GREB1L: variants seen among roughly 807,000 people sequenced by gnomAD.
GREB1L encodes GREB1 like retinoic acid receptor coactivator.
Under a neutral mutation model 200.8 loss-of-function variants are expected in GREB1L, and 17 were observed. The ratio of observed to expected loss-of-function variants is 0.08; its 90% CI spans 0.06 to 0.13. The LOEUF (loss-of-function observed/expected upper bound fraction) is 0.13. GREB1L is among the 10% of genes least tolerant of loss of function. The pLI, the probability that GREB1L is intolerant of heterozygous loss-of-function variation, is 1.00. For missense variants in GREB1L, 1,657 were observed against 2,367.7 expected (o/e 0.70, Z 6.23); for synonymous variants, 789 against 893.0 (o/e 0.88, Z 2.08).
chr18:21,374,345 C>T (rs979965303), intron 2 of GREB1L, among the ~76,000 whole-genome samples: 2 of 152,028 alleles, frequency 1.3e-5, no homozygotes, highest in Non-Finnish European at 2.9e-5. Flanking sequence ...TTCAGATGTT[C>T]GAGGCTCATC....
At chr18:21,273,882 T>C (rs1228736054) in intron 1 of GREB1L, among the ~76,000 whole-genome samples, 3 of 152,220 alleles carry the variant, frequency 2.0e-5, no homozygotes, top group African/African-American at 7.2e-5. Context: ...GGATCTTTAC[T>C]TTAATGCATT....
chr18:21,447,699 G>A (rs1367375820), intron 11 of GREB1L, among the ~76,000 whole-genome samples: 2 of 152,144 alleles, frequency 1.3e-5, no homozygotes, highest in Non-Finnish European at 2.9e-5. Flanking sequence ...GGAAGAAAGC[G>A]TTAAATAAAT....
intron 11 of GREB1L, among the ~76,000 whole-genome samples, chr18:21,447,835 A>T (rs2034305844): frequency 6.6e-6 from 1 of 151,972 alleles, no homozygotes; most frequent in Non-Finnish European, 1.5e-5. Flanking sequence ...ATTTTTTTTT[A>T]AAGAGCATCC....
rs2037656671 is a variant in GREB1L, at chr18:21,524,760, G to A, written c.*1939G>A. On this transcript the variant is annotated 3_prime_UTR_variant, in exon 33 of 33. Transcript: ENST00000424526. ...AGATGCAGGTACTCCATTAGTTAGG[G>A]CTGCACTCTGAAAATTCAAATTATT... 6.6e-6 allele frequency: 1 copy of A among 151,814 alleles called. No homozygotes were observed. Among genetic ancestry groups the A allele is most frequent in the Non-Finnish European group, 1.5e-5 (1 of 67,978 alleles). The allele number at this position is 151,814 out of a possible 1,614,324, so 9.4% of individuals were successfully genotyped here. A position where few individuals can be genotyped will look rare whatever the true frequency, so the allele number is the denominator to read the frequency against.
At chr18:21,346,935 C>A (rs1164820540) in intron 1 of GREB1L, among the ~76,000 whole-genome samples, 1 of 152,178 alleles carries the variant, frequency 6.6e-6, no homozygotes, top group Non-Finnish European at 1.5e-5. Flanking sequence ...TTTCTTCCTG[C>A]CATTGTACCT....
At chr18:21,400,616 T>C (rs1352894505) in intron 5 of GREB1L, among the ~76,000 whole-genome samples, 1 of 152,122 alleles carries the variant, frequency 6.6e-6, no homozygotes, top group Non-Finnish European at 1.5e-5. Flanking sequence ...AAATCCAGGG[T>C]CCAGTACCAC....
chr18:21,450,189 G>A (rs1311205155), intron 12 of GREB1L, among the ~76,000 whole-genome samples: 6 of 152,032 alleles, frequency 3.9e-5, no homozygotes, highest in Non-Finnish European at 7.4e-5. Flanking sequence ...CCAGTTAATC[G>A]AATTTGCCAG....
At chr18:21,287,157 T>G (rs2038370950) in intron 1 of GREB1L, among the ~76,000 whole-genome samples, 1 of 152,134 alleles carries the variant, frequency 6.6e-6, no homozygotes, top group Admixed American at 6.5e-5. Flanking sequence ...TTTTTTTGCC[T>G]GAGTTTTTTG....
In GREB1L at chr18:21,452,095, A is replaced by T; in HGVS notation, c.1862A>T (p.Asp621Val). 6.5e-7 allele frequency: 1 copy of T among 1,546,752 alleles called. No individual in the cohort carries two copies. The highest frequency in any genetic ancestry group is 8.7e-7 in the Non-Finnish European group (1 of 1,146,828). ...TATTTTGTAATAGGCGATGACCTAG[A>T]CAAGCTGCTGGAAAAAATGCAACAA... ...FKTTSLGDDL[D>V]KLLEKMQQRR... Residue 621 changes from aspartate (D) to valine (V), a missense_variant, in exon 14 of 33, where the codon GAC (aspartate) becomes GTC (valine). Physicochemically the swap from Asp to Val is radical, Grantham distance 152. This residue lies in a region of GREB1L where 239 missense variants were observed against 421.8 expected (regional missense o/e 0.57). Transcript: ENST00000424526.
At chr18:21,320,355 T>G (rs1269553941) in intron 1 of GREB1L, among the ~76,000 whole-genome samples, 2 of 152,130 alleles carry the variant, frequency 1.3e-5, no homozygotes, top group Non-Finnish European at 2.9e-5. Context: ...TATAAAATAT[T>G]GTAATTACTG....
At chr18:21,373,876 T>G (rs2039972498) in intron 2 of GREB1L, among the ~76,000 whole-genome samples, 1 of 152,234 alleles carries the variant, frequency 6.6e-6, no homozygotes, top group African/African-American at 2.4e-5. Flanking sequence ...AAAATTAATT[T>G]GTGAATTTTT....
chr18:21,387,396 T>A (rs1347953688), intron 4 of GREB1L: 2 of 152,238 alleles, frequency 1.3e-5, no homozygotes, highest in South Asian at 2.1e-4. Flanking sequence ...TTAAAAAAAT[T>A]AAAATCATTT....
chr18:21,316,076 A>G lies in GREB1L; in HGVS notation c.-119-49951A>G, dbSNP rs575884375. ...CTCCAAGTACTGTGAGAATTGGTCTAGAAGGATGGCTCAGACTCTATGGAG... is the reference window on the plus strand; with the variant it reads ...CTCCAAGTACTGTGAGAATTGGTCTGGAAGGATGGCTCAGACTCTATGGAG... On this transcript the variant is annotated intron_variant, in intron 1 of 32. Transcript: ENST00000424526. 2.6e-5 allele frequency among the ~76,000 whole-genome samples: 4 copies of G among 152,262 alleles called. No homozygotes were observed. The East Asian group carries it at 5.8e-4, about 22-fold the overall frequency.
intron 7 of GREB1L, among the ~76,000 whole-genome samples, chr18:21,429,847 C>G (rs185376839): frequency 8.6e-5 from 13 of 152,002 alleles, no homozygotes; most frequent in African/African-American, 3.1e-4. Flanking sequence ...TATTAGTTTG[C>G]GAGGGCTGCC....
chr18:21,522,593 GA>G lies in GREB1L; in HGVS notation c.5609-64del. ...TGTGTTAGCTTAGGAAATATAATCA[GA>G]GATAAAGTTCTTTATAAATTCAATC... On this transcript the variant is annotated intron_variant, in intron 32 of 32. Coordinates refer to ENST00000424526, the MANE Select transcript of GREB1L (RefSeq NM_001142966.3). 3 of 1,241,512 alleles carry G rather than the reference GA, an allele frequency of 2.4e-6. No homozygotes were observed. The South Asian group carries it at 5.2e-5, about 21-fold the overall frequency. The allele number at this position is 1,241,512 out of a possible 1,614,324, so 76.9% of individuals were successfully genotyped here.
intron 21 of GREB1L, among the ~76,000 whole-genome samples, chr18:21,497,730 G>C (rs75182212): frequency 6.6e-6 from 1 of 150,524 alleles, no homozygotes; most frequent in East Asian, 2.0e-4. Context: ...AGAATTCTGA[G>C]ATTAAAAATG....
At chr18:21,339,670 GTTCAAAGCT>G (rs1170356594) in intron 1 of GREB1L, among the ~76,000 whole-genome samples, 5 of 152,202 alleles carry the variant, frequency 3.3e-5, no homozygotes, top group Admixed American at 2.6e-4. Context: ...GAAGCAAAGT[GTTCAAAGCT>G]TTCAATGCAG....
In GREB1L at chr18:21,401,169, C is replaced by T. The variant is rs1414917592; in HGVS notation, c.552C>T (p.Ile184=). 5.8e-6 allele frequency: 9 copies of T among 1,551,332 alleles called. No individual in the cohort carries two copies. Among genetic ancestry groups the T allele is most frequent in the East Asian group, 2.4e-5 (1 of 40,910 alleles). ...CTTCAGGGTTTTCTGGAAATTGTAT[C>T]GGCTGTGGAGAAAGAGGATTTCGAT... is the stretch of plus-strand genomic sequence containing the variant. ...NALLGFSGNC[I]GCGERGFRYF... Residue 184 remains isoleucine, a synonymous_variant, in exon 6 of 33, where the codon ATC becomes ATT. Transcript: ENST00000424526.
At chr18:21,296,690 G>T (rs1339297408) in intron 1 of GREB1L, among the ~76,000 whole-genome samples, 6 of 147,588 alleles carry the variant, frequency 4.1e-5, no homozygotes, top group East Asian at 4.0e-4. Context: ...AGTCTCACTT[G>T]GTTGCCCAGG....
Sources: gnomAD v4.1 joint callset for allele counts (sites outside exome capture counted in the v4.1 genomes callset) on GRCh38, gnomAD v4.1.1 for gene constraint, gnomAD v4.1.1 regional missense constraint, MANE v1.5 for transcripts, NCBI Gene and HGNC (gene_info 2026-07-23, HGNC 2026-07-21) for gene names.